Variants in DLGAP1 observed in about 807,000 individuals in gnomAD.
The protein encoded by DLGAP1 is disks large-associated protein 1.
A neutral mutation model predicts 90.8 loss-of-function variants in DLGAP1; 11 were observed. The observed-to-expected ratio is 0.12, with a 90% confidence interval of 0.08 to 0.20. DLGAP1 has a LOEUF of 0.20. Among genes scored for constraint, DLGAP1 ranks in the 10% least tolerant of loss-of-function variants. The pLI is 1.00. For missense variants in DLGAP1, 1,050 were observed against 1,333.8 expected (o/e 0.79, Z 3.31); for synonymous variants, 558 against 540.7 (o/e 1.03, Z -0.44).
At chr18:4,384,412 T>C (rs2082190337) in intron 1 of DLGAP1, among the ~76,000 whole-genome samples, 1 of 152,210 alleles carries the variant, frequency 6.6e-6, no homozygotes, top group African/African-American at 2.4e-5. Flanking sequence ...TTTGTGTTCA[T>C]GTGGAACCAT....
At chr18:4,157,879 C>T (rs1360543914) in intron 1 of DLGAP1, among the ~76,000 whole-genome samples, 1 of 152,170 alleles carries the variant, frequency 6.6e-6, no homozygotes, top group East Asian at 1.9e-4. Flanking sequence ...GAACTTCCTT[C>T]AACCTTAGCA....
At chr18:3,583,075 T>C (rs2055622065) in intron 7 of DLGAP1, among the ~76,000 whole-genome samples, 1 of 151,856 alleles carries the variant, frequency 6.6e-6, no homozygotes, top group Admixed American at 6.6e-5. Context: ...ATAGAAGTGC[T>C]GGGATTACAA....
intron 1 of DLGAP1, among the ~76,000 whole-genome samples, chr18:4,297,922 A>T (rs914361395): frequency 2.6e-5 from 4 of 152,136 alleles, no homozygotes; most frequent in African/African-American, 9.7e-5. Flanking sequence ...TCTTAACAGC[A>T]TCGCCATGAA....
At chr18:4,120,567 G>A (rs1347890593) in intron 2 of DLGAP1, among the ~76,000 whole-genome samples, 2 of 152,184 alleles carry the variant, frequency 1.3e-5, no homozygotes, top group African/African-American at 4.8e-5. Context: ...AAAGCAGCTA[G>A]GGAGGTCTAT....
At chr18:4,144,250 C>T (rs990424310) in intron 2 of DLGAP1, among the ~76,000 whole-genome samples, 3 of 152,182 alleles carry the variant, frequency 2.0e-5, no homozygotes, top group African/African-American at 7.2e-5. Flanking sequence ...CACTTTAGCC[C>T]ACAGTGGTGA....
At chr18:4,127,295 A>C (rs969292171) in intron 2 of DLGAP1, among the ~76,000 whole-genome samples, 1 of 152,206 alleles carries the variant, frequency 6.6e-6, no homozygotes, top group Admixed American at 6.5e-5. Context: ...CACTTTTAAA[A>C]GAATAACTAT....
chr18:4,377,320 A>G (rs546513621), intron 1 of DLGAP1, among the ~76,000 whole-genome samples: 4 of 152,290 alleles, frequency 2.6e-5, no homozygotes, highest in African/African-American at 9.6e-5. Context: ...CAAGTTCTGA[A>G]TAGAAAAGAA....
At chr18:4,244,762 T>C (rs949981744) in intron 1 of DLGAP1, among the ~76,000 whole-genome samples, 2 of 152,154 alleles carry the variant, frequency 1.3e-5, no homozygotes, top group Non-Finnish European at 2.9e-5. Context: ...CTAATGGATA[T>C]AGGATGGAAT....
intron 1 of DLGAP1, among the ~76,000 whole-genome samples, chr18:4,222,302 T>C: frequency 6.6e-6 from 1 of 152,144 alleles, no homozygotes; most frequent in East Asian, 1.9e-4. Context: ...CCATGCTTGT[T>C]TCTGGTGTTT....
At chr18:3,780,275 T>C (rs2065130613) in intron 5 of DLGAP1, among the ~76,000 whole-genome samples, 2 of 152,270 alleles carry the variant, frequency 1.3e-5, no homozygotes, top group Admixed American at 1.3e-4. Flanking sequence ...GCTACTGTAA[T>C]AAATCACCAC....
rs554812161 is a variant in DLGAP1 at position 3,982,773 on chromosome 18, G to A, written c.-73+22343C>T. ...GTATATTCTACAACATTCTAGCACC[G>A]TGAGTCGCAGACTTAGGTAATTAAT... is the stretch of plus-strand genomic sequence containing the variant. On this transcript the variant is annotated intron_variant, in intron 3 of 12. Coordinates refer to ENST00000315677, the MANE Select transcript of DLGAP1 (RefSeq NM_004746.4). 6.3e-4 allele frequency among the ~76,000 whole-genome samples: 96 copies of A among 152,312 alleles called. No homozygotes were observed. In the Middle Eastern group the frequency reaches 0.014, roughly 22 times the overall value.
chr18:3,867,727 AG>A (rs1307046358), intron 4 of DLGAP1, among the ~76,000 whole-genome samples: 1 of 152,218 alleles, frequency 6.6e-6, no homozygotes, highest in African/African-American at 2.4e-5. Flanking sequence ...GAAAGGCTAC[AG>A]GAATTGGTTA....
intron 1 of DLGAP1, among the ~76,000 whole-genome samples, chr18:4,273,644 A>G (rs1328441224): frequency 6.6e-6 from 1 of 152,180 alleles, no homozygotes; most frequent in African/African-American, 2.4e-5. Flanking sequence ...CCTGTTACCC[A>G]GGCTGGTTTT....
At chr18:4,250,207 C>CA (rs1395104622) in intron 1 of DLGAP1, among the ~76,000 whole-genome samples, 4 of 152,098 alleles carry the variant, frequency 2.6e-5, no homozygotes, top group African/African-American at 9.6e-5. Context: ...ACAGCAATTT[C>CA]AAAAAAGAAA....
chr18:4,108,424 A>C (rs2075908816), intron 2 of DLGAP1, among the ~76,000 whole-genome samples: 1 of 152,144 alleles, frequency 6.6e-6, no homozygotes, highest in Non-Finnish European at 1.5e-5. Context: ...ATATTAAATA[A>C]GTCTGTATGT....
chr18:3,543,594 A>G (rs2052834063), intron 9 of DLGAP1, among the ~76,000 whole-genome samples: 1 of 152,240 alleles, frequency 6.6e-6, no homozygotes, highest in Non-Finnish European at 1.5e-5. Context: ...GTGCATGGCA[A>G]TGATGGAGTA....
At chr18:3,587,851 A>G (rs1034005452) in intron 7 of DLGAP1, among the ~76,000 whole-genome samples, 1 of 152,216 alleles carries the variant, frequency 6.6e-6, no homozygotes, top group Non-Finnish European at 1.5e-5. Flanking sequence ...AGTCAGCAAG[A>G]CCAGGAACCC....
chr18:4,156,763 C>T (rs2076763215), intron 1 of DLGAP1, among the ~76,000 whole-genome samples: 1 of 152,170 alleles, frequency 6.6e-6, no homozygotes, highest in Non-Finnish European at 1.5e-5. Context: ...TTATTTTGGA[C>T]ACAGATCTTG....
chr18:3,871,622 T>C (rs2070754307), intron 4 of DLGAP1, among the ~76,000 whole-genome samples: 1 of 152,174 alleles, frequency 6.6e-6, no homozygotes. Context: ...CATCCCTAAC[T>C]AGTCTACACG....
Sources: gnomAD v4.1 joint callset for allele counts (sites outside exome capture counted in the v4.1 genomes callset) on GRCh38, gnomAD v4.1.1 for gene constraint, MANE v1.5 for transcripts, NCBI Gene and HGNC (gene_info 2026-07-23, HGNC 2026-07-21) for gene names.